The following RARB variants were observed in gnomAD, a reference collection of about 807,000 sequenced individuals.
The protein encoded by RARB is HBV-activated protein.
Under a neutral mutation model 51.9 loss-of-function variants are expected in RARB, and 17 were observed. The ratio of observed to expected loss-of-function variants is 0.33; its 90% confidence interval spans 0.22 to 0.49. The LOEUF is 0.49. Ranked by LOEUF, RARB falls within the 20% of genes least tolerant of loss-of-function variation. RARB has a pLI of 0.99. For synonymous variants in RARB, 215 were observed against 195.4 expected (o/e 1.10, Z -0.84); for missense variants, 369 against 550.8 (o/e 0.67, Z 3.30).
At chr3:24,860,757 C>CT (rs1192880011) in intron 2 of RARB, among the ~76,000 whole-genome samples, 12 of 152,228 alleles carry the variant, frequency 7.9e-5, no homozygotes, top group African/African-American at 2.9e-4. Context: ...GAAAGCATAA[C>CT]TTGTGTCAGG....
intron 5 of RARB, among the ~76,000 whole-genome samples, chr3:25,353,013 C>T (rs907341479): frequency 2.0e-5 from 3 of 152,174 alleles, no homozygotes; most frequent in East Asian, 1.9e-4. Flanking sequence ...TCTGAGCAAA[C>T]GCTAGTTGTG....
chr3:25,568,666 G>A (rs1378830852), intron 3 of RARB, among the ~76,000 whole-genome samples: 1 of 152,164 alleles, frequency 6.6e-6, no homozygotes. Context: ...GTGCTCTTAG[G>A]GAGGCAACTC....
At chr3:24,954,620 A>C (rs564402958) in intron 2 of RARB, among the ~76,000 whole-genome samples, 151 of 152,332 alleles carry the variant, frequency 9.9e-4, no homozygotes, top group African/African-American at 3.4e-3. Flanking sequence ...GTGACTATTT[A>C]GGTTCACCCC....
At chr3:25,216,982 C>T (rs1280420038) in intron 5 of RARB, among the ~76,000 whole-genome samples, 2 of 152,028 alleles carry the variant, frequency 1.3e-5, no homozygotes, top group Non-Finnish European at 2.9e-5. Flanking sequence ...GACTTAATGA[C>T]ATCCAGATTT....
chr3:25,115,016 C>A lies in RARB; in HGVS notation c.-327-17145C>A, dbSNP rs1442623229. ...TTTTAGTGCTCAAGGATGATAATTA[C>A]TTTAAAAAATCATTTCTTTATTTCA... On this transcript the variant is annotated intron_variant, in intron 3 of 11. Coordinates refer to the RARB transcript ENST00000383772. 2.0e-5 allele frequency among the ~76,000 whole-genome samples: 3 copies of A among 152,112 alleles called. No individual in the cohort carries two copies. The East Asian group carries it at 5.8e-4, about 29-fold the overall frequency.
At position 25,381,001 on chromosome 3, in the gene RARB, A is replaced by T. The variant is rs549488790; in HGVS notation, c.179-80192A>T. On this transcript the variant is annotated intron_variant, in intron 5 of 11. Coordinates refer to the RARB transcript ENST00000383772. ...TTTTTACCGTTCTTCCTATTGCTTT[A>T]TTATTTTCTCTTTCCTGTTTATTGT... 4.6e-5 allele frequency among the ~76,000 whole-genome samples: 7 copies of T among 152,034 alleles called. No individual in the cohort carries two copies. In the South Asian group the frequency reaches 1.5e-3, roughly 32 times the overall value.
At chr3:25,550,925 C>A (rs1699825425) in intron 3 of RARB, among the ~76,000 whole-genome samples, 1 of 152,100 alleles carries the variant, frequency 6.6e-6, no homozygotes, top group Non-Finnish European at 1.5e-5. Context: ...GATCTCGTTC[C>A]TTTTTACGAC....
intron 5 of RARB, among the ~76,000 whole-genome samples, chr3:25,228,970 T>C (rs1472928187): frequency 6.6e-6 from 1 of 152,132 alleles, no homozygotes; most frequent in Non-Finnish European, 1.5e-5. Flanking sequence ...GCTCTCCTTG[T>C]TGCAGGAGCC....
chr3:25,043,589 T>A (rs192187825), intron 2 of RARB, among the ~76,000 whole-genome samples: 2 of 152,360 alleles, frequency 1.3e-5, no homozygotes, highest in South Asian at 4.1e-4. Flanking sequence ...GATAGCTTAT[T>A]CCTCCCATGG....
chr3:25,077,776 G>A (rs961673233), intron 3 of RARB, among the ~76,000 whole-genome samples: 5 of 151,850 alleles, frequency 3.3e-5, no homozygotes, highest in Admixed American at 1.3e-4. Flanking sequence ...ACCTTTTTAC[G>A]GAGTGGTTTT....
intron 2 of RARB, among the ~76,000 whole-genome samples, chr3:24,934,563 C>T (rs1349284860): frequency 1.3e-5 from 2 of 152,004 alleles, no homozygotes; most frequent in African/African-American, 2.4e-5. Flanking sequence ...ATAGAAATGT[C>T]TGTCCTTTTG....
In RARB at chr3:25,411,165, G is replaced by T. The variant is rs575924471; in HGVS notation, c.179-50028G>T. Among the ~76,000 whole-genome samples the T allele has an allele frequency of 3.3e-5, 5 of 152,082 alleles. No individual in the cohort carries two copies. In the East Asian group the frequency reaches 9.7e-4, roughly 29 times the overall value. On this transcript the variant is annotated intron_variant, in intron 5 of 11. Transcript: ENST00000383772. ...TAATAATATATAGAAAAAATGAAAG[G>T]AAATTTATAATAGTTTATGTTTTAA...
At chr3:25,336,711 C>A (rs1705073706) in intron 5 of RARB, among the ~76,000 whole-genome samples, 1 of 152,148 alleles carries the variant, frequency 6.6e-6, no homozygotes, top group Non-Finnish European at 1.5e-5. Context: ...TGGAATTCCA[C>A]TGAACTAATC....
Position 25,163,717 on chromosome 3 carries a change from C to G in RARB, c.-279-10402C>G, listed in dbSNP as rs374571034. The stretch of plus-strand genomic sequence containing the variant: ...GTCAAGGACCCCGTTCCCTCACTCT[C>G]AGGCCCCACCAAGCCACTAGACGCT... On this transcript the variant is annotated intron_variant, in intron 4 of 11. Coordinates refer to the RARB transcript ENST00000383772. Among the ~76,000 whole-genome samples the G allele has an allele frequency of 1.2e-4, 18 of 152,102 alleles. No individual in the cohort carries two copies. In the South Asian group the frequency reaches 3.7e-3, roughly 32 times the overall value.
chr3:25,472,741 T>A (rs1695758561), intron 2 of RARB, among the ~76,000 whole-genome samples: 1 of 152,192 alleles, frequency 6.6e-6, no homozygotes, highest in South Asian at 2.1e-4. Flanking sequence ...ATTCTAAACA[T>A]CCCCATATTC....
chr3:24,918,850 A>AT (rs1232906555), intron 2 of RARB, among the ~76,000 whole-genome samples: 8 of 152,226 alleles, frequency 5.3e-5, no homozygotes, highest in African/African-American at 1.9e-4. Context: ...AGATCATGCC[A>AT]TTGCACTCCA....
intron 5 of RARB, among the ~76,000 whole-genome samples, chr3:25,254,660 G>T (rs747421723): frequency 1.3e-5 from 2 of 152,250 alleles, no homozygotes; most frequent in South Asian, 4.1e-4. Context: ...AGGCCTTGTG[G>T]GTGTTGCAGT....
intron 5 of RARB, among the ~76,000 whole-genome samples, chr3:25,586,162 G>A (rs58992195): frequency 2.0e-5 from 3 of 151,800 alleles, no homozygotes; most frequent in Admixed American, 6.6e-5. Flanking sequence ...ATCCCATTCC[G>A]TCTGTCTAGG....
intron 5 of RARB, among the ~76,000 whole-genome samples, chr3:25,262,302 C>T (rs991596368): frequency 1.3e-5 from 2 of 152,094 alleles, no homozygotes; most frequent in Non-Finnish European, 2.9e-5. Flanking sequence ...CCAGAAGATG[C>T]GCTCCTCCCC....
Sources: gnomAD v4.1 joint callset for allele counts (sites outside exome capture counted in the v4.1 genomes callset) on GRCh38, gnomAD v4.1.1 for gene constraint, MANE v1.5 for transcripts, NCBI Gene and HGNC (gene_info 2026-07-23, HGNC 2026-07-21) for gene names.